Variants in DOCK9 observed in about 807,000 individuals in gnomAD.
The protein encoded by DOCK9 is dedicator of cytokinesis protein 9.
A neutral mutation model predicts 263.3 loss-of-function variants in DOCK9; 89 were observed. That is an observed-to-expected ratio of 0.34 (90% CI 0.28 to 0.40). The LOEUF (loss-of-function observed/expected upper bound fraction) is 0.40. Ranked by LOEUF, DOCK9 falls within the 10% of genes least tolerant of loss-of-function variation. The pLI is 1.00. For synonymous variants in DOCK9, 976 were observed against 973.1 expected (o/e 1.00, Z -0.06); for missense variants, 2,140 against 2,603.4 (o/e 0.82, Z 3.87).
At chr13:99,004,196 G>T (rs1208064815) in intron 1 of DOCK9, among the ~76,000 whole-genome samples, 1 of 152,146 alleles carries the variant, frequency 6.6e-6, no homozygotes, top group Non-Finnish European at 1.5e-5. Context: ...TATCCCACGT[G>T]GCAGCCTTAT....
chr13:99,086,481 C>T (rs910114447), exon 1 of DOCK9: 168 of 512,026 alleles, frequency 3.3e-4, no homozygotes, highest in Non-Finnish European at 4.1e-4. Flanking sequence ...CCTGCTCCCC[C>T]CGCTGCTCGC....
intron 1 of DOCK9, among the ~76,000 whole-genome samples, chr13:99,077,842 AG>A (rs1368496356): frequency 6.6e-6 from 1 of 152,242 alleles, no homozygotes; most frequent in Non-Finnish European, 1.5e-5. Flanking sequence ...CTAGGCTCCC[AG>A]CCCACACTCA....
chr13:98,906,110 C>T (rs559393150), intron 9 of DOCK9, among the ~76,000 whole-genome samples: 2 of 151,932 alleles, frequency 1.3e-5, no homozygotes, highest in Admixed American at 6.5e-5. Context: ...TGTGTAGAGA[C>T]GCCTGGGTAG....
At chr13:98,986,243 T>A (rs979968529) in intron 1 of DOCK9, among the ~76,000 whole-genome samples, 1 of 152,238 alleles carries the variant, frequency 6.6e-6, no homozygotes, top group South Asian at 2.1e-4. Context: ...GTTCCTTCAG[T>A]GCTTACAAGG....
intron 9 of DOCK9, among the ~76,000 whole-genome samples, chr13:98,909,729 T>C (rs1252920756): frequency 1.3e-5 from 2 of 152,194 alleles, no homozygotes; most frequent in Non-Finnish European, 2.9e-5. Context: ...TATTGTTTTC[T>C]GGATTGGAAT....
At chr13:99,055,827 G>A (rs894233346) in intron 1 of DOCK9, among the ~76,000 whole-genome samples, 9 of 151,658 alleles carry the variant, frequency 5.9e-5, no homozygotes, top group African/African-American at 2.2e-4. Flanking sequence ...GGCTAAGACA[G>A]CTTTTAACAT....
chr13:98,957,532 A>G (rs1181974329), intron 1 of DOCK9, among the ~76,000 whole-genome samples: 1 of 150,182 alleles, frequency 6.7e-6, no homozygotes, highest in Non-Finnish European at 1.5e-5. Flanking sequence ...TGTTGGTAAC[A>G]GTAAACTGTA....
At chr13:99,021,923 T>C (rs1421929754) in intron 1 of DOCK9, among the ~76,000 whole-genome samples, 1 of 152,056 alleles carries the variant, frequency 6.6e-6, no homozygotes, top group Non-Finnish European at 1.5e-5. Flanking sequence ...GGCACACATA[T>C]ATTTATATAA....
In DOCK9 at chr13:99,061,303, A is replaced by T. The variant is rs967051178; in HGVS notation, c.129+24920T>A. On this transcript the variant is annotated intron_variant, in intron 1 of 32. Transcript: ENST00000427887. Reference sequence around the variant, plus strand: ...CTGTACACTTTCTCCTCCCCCAAAAAAACATTTTATTTTACTTTTCTGCAT... The same window carrying T: ...CTGTACACTTTCTCCTCCCCCAAAATAACATTTTATTTTACTTTTCTGCAT... 3.3e-5 allele frequency among the ~76,000 whole-genome samples: 5 copies of T among 152,272 alleles called. No homozygotes were observed. In the South Asian group the frequency reaches 1.0e-3, roughly 32 times the overall value.
At chr13:98,855,531 C>T (rs559042092) in intron 34 of DOCK9, among the ~76,000 whole-genome samples, 53 of 152,098 alleles carry the variant, frequency 3.5e-4, no homozygotes, top group Admixed American at 6.5e-4. Flanking sequence ...GAGATCGTGC[C>T]GCTGTACTCC....
At chr13:98,850,565 T>C (rs2093536664) in intron 35 of DOCK9, among the ~76,000 whole-genome samples, 1 of 152,214 alleles carries the variant, frequency 6.6e-6, no homozygotes, top group Admixed American at 6.5e-5. Context: ...ACAATATAGC[T>C]TGGATCTATC....
rs747293729 is a variant in DOCK9, at chr13:98,809,289, G to GTT, written c.5367+61_5367+62dup. The GTT allele has an allele frequency of 3.6e-6, 5 of 1,371,184 alleles. No homozygotes were observed. In the South Asian group the frequency reaches 3.9e-5, roughly 11 times the overall value. The allele number at this position is 1,371,184 out of a possible 1,614,324, so 84.9% of individuals were successfully genotyped here. On this transcript the variant is annotated intron_variant, in intron 47 of 52. Coordinates refer to ENST00000682017, the MANE Select transcript of DOCK9 (RefSeq NM_001366683.2). ...ATAACTTTATTATAGTTTTTTTTTT[G>GTT]TTTTTGTTTTTGTTTTTTTTTAAAG...
chr13:99,040,068 T>C (rs986435651), intron 1 of DOCK9, among the ~76,000 whole-genome samples: 2 of 152,194 alleles, frequency 1.3e-5, no homozygotes, highest in African/African-American at 4.8e-5. Flanking sequence ...CAATGTAATA[T>C]TTGGAGACAG....
intron 3 of DOCK9, among the ~76,000 whole-genome samples, chr13:98,928,583 C>T (rs1041455139): frequency 1.3e-5 from 2 of 152,206 alleles, no homozygotes; most frequent in Non-Finnish European, 2.9e-5. Flanking sequence ...AATTTTGCCA[C>T]ATGCTTTAAA....
chr13:98,934,681 A>T (rs2054530201), intron 2 of DOCK9, among the ~76,000 whole-genome samples: 1 of 152,146 alleles, frequency 6.6e-6, no homozygotes, highest in South Asian at 2.1e-4. Flanking sequence ...GAGGAGATAC[A>T]CTATGCTGCA....
chr13:99,000,180 C>T lies in DOCK9; in HGVS notation c.130-44629G>A, dbSNP rs188122341. On this transcript the variant is annotated intron_variant, in intron 1 of 32. Transcript: ENST00000427887. ...AGAAGGGGCTCCTATCACCAACTCT[C>T]ATTATAAATATGCCACAATCCTTTT... Among the ~76,000 whole-genome samples the T allele has an allele frequency of 2.6e-5, 4 of 152,294 alleles. No homozygotes were observed. In the East Asian group the frequency reaches 7.7e-4, roughly 29 times the overall value.
chr13:99,086,041 T>C (rs1366867232), intron 1 of DOCK9, among the ~76,000 whole-genome samples: 1 of 151,970 alleles, frequency 6.6e-6, no homozygotes, highest in African/African-American at 2.4e-5. Flanking sequence ...TTGCAGCCCC[T>C]CCAGGACCTT....
intron 45 of DOCK9, among the ~76,000 whole-genome samples, chr13:98,815,709 C>T (rs1171498763): frequency 1.3e-5 from 2 of 152,156 alleles, no homozygotes; most frequent in African/African-American, 4.8e-5. Context: ...TCTCAATCTC[C>T]TCACCTTGTG....
intron 1 of DOCK9, among the ~76,000 whole-genome samples, chr13:98,963,937 TGTC>T (rs2058937318): frequency 1.3e-5 from 2 of 152,240 alleles, no homozygotes; most frequent in South Asian, 4.1e-4. Context: ...TTCTTGAAGT[TGTC>T]AAGTTTGCAG....
Sources: allele counts gnomAD v4.1 joint callset (sites outside exome capture counted in the v4.1 genomes callset), GRCh38; gene constraint gnomAD v4.1.1; transcripts MANE v1.5; gene names NCBI Gene and HGNC (gene_info 2026-07-23, HGNC 2026-07-21).